The following LONRF2 variants were observed in gnomAD, a reference collection of about 807,000 sequenced individuals.
LONRF2 encodes LON peptidase N-terminal domain and RING finger protein 2.
LONRF2 carries 35 observed loss-of-function variants against 66.6 expected under a neutral mutation model. The ratio of observed to expected loss-of-function variants is 0.53; its 90% CI spans 0.40 to 0.70. The LOEUF is 0.70. Among genes scored for constraint, LONRF2 ranks in the 30% least tolerant of loss-of-function variants. The pLI is 0.00. For synonymous variants in LONRF2, 417 were observed against 418.1 expected (o/e 1.00, Z 0.03); for missense variants, 902 against 1,002.1 (o/e 0.90, Z 1.35).
chr2:100,290,259 T>C lies in LONRF2; in HGVS notation c.1919A>G (p.Lys640Arg). Residue 640 changes from lysine to arginine, a missense_variant and splice_region_variant, in exon 10 of 12, where the codon AAG becomes AGG. By Grantham distance (26) the Lys-to-Arg change is conservative. Transcript: ENST00000393437. ...ATACACCAGTATGATAAGCCTTACC[T>C]TTTCATCTTCAAGATATTCAATGTC... ...TADIEYLEDE[K>R]VEGPEYEELA... is the part of the protein sequence containing the mutation. The C allele has an allele frequency of 6.2e-7, 1 of 1,612,254 alleles. No individual in the cohort carries two copies. The highest frequency in any genetic ancestry group is 8.5e-7 in the Non-Finnish European group (1 of 1,179,268).
rs13008568 is a variant in LONRF2 at position 100,279,780 on chromosome 2, A to G, written c.*4518T>C. 0.62 allele frequency: 94,958 copies of G among 151,966 alleles called. 30,216 individuals are homozygous for G. The highest frequency in any genetic ancestry group is 0.94 in the East Asian group (4,828 of 5,132). The allele number at this position is 151,966 out of a possible 1,614,324, so 9.4% of individuals were successfully genotyped here. On this transcript the variant is annotated 3_prime_UTR_variant, in exon 12 of 12. Coordinates refer to ENST00000393437, the MANE Select transcript of LONRF2 (RefSeq NM_198461.4). ...GCTAGGTGCCAGATGGCTAGAGACC[A>G]CCTGTATAGCCTAGAGTCTGAGCTG...
At chr2:100,297,330 G>C (rs1167052330) in intron 7 of LONRF2, among the ~76,000 whole-genome samples, 1 of 151,938 alleles carries the variant, frequency 6.6e-6, no homozygotes, top group Non-Finnish European at 1.5e-5. Flanking sequence ...GTAGAGACGG[G>C]GTTTCACCGT....
rs1675633359 is a variant in LONRF2 at position 100,321,724 on chromosome 2, C to T, written c.370G>A (p.Ala124Thr). ...GGGGCCGGCCCTCCCTCGCCGGGCGCCTCGGGCTCGCCGCCCGGGTTCTCC... is the reference window on the plus strand; with the variant it reads ...GGGGCCGGCCCTCCCTCGCCGGGCGTCTCGGGCTCGCCGCCCGGGTTCTCC... ...SAENPGGEPE[A>T]PGEGGPAPEP... Residue 124 changes from alanine to threonine, a missense_variant, in exon 1 of 12, where the codon GCG (alanine) becomes ACG (threonine). Ala to Thr is a moderately conservative substitution (Grantham distance 58). Coordinates refer to ENST00000393437, the MANE Select transcript of LONRF2 (RefSeq NM_198461.4). The T allele has an allele frequency of 5.3e-6, 6 of 1,142,292 alleles. No homozygotes were observed. Among genetic ancestry groups the T allele is most frequent in the East Asian group, 4.5e-5 (1 of 22,386 alleles). The allele number at this position is 1,142,292 out of a possible 1,614,324, so 70.8% of individuals were successfully genotyped here. A position where few individuals can be genotyped will look rare whatever the true frequency, so the allele number is the denominator to read the frequency against.
chr2:100,315,387 A>G (rs1675486612), intron 1 of LONRF2, among the ~76,000 whole-genome samples: 2 of 152,206 alleles, frequency 1.3e-5, no homozygotes, highest in Admixed American at 6.5e-5. Context: ...GTCATCTACA[A>G]ATAATGACAG....
chr2:100,310,698 G>A (rs1341222385), intron 1 of LONRF2, among the ~76,000 whole-genome samples: 1 of 152,232 alleles, frequency 6.6e-6, no homozygotes, highest in African/African-American at 2.4e-5. Flanking sequence ...TGCTGGGTAT[G>A]GATAACTGGC....
intron 10 of LONRF2, among the ~76,000 whole-genome samples, chr2:100,289,217 C>T (rs1452128945): frequency 6.6e-6 from 1 of 152,110 alleles, no homozygotes; most frequent in Non-Finnish European, 1.5e-5. Context: ...CAGTCATGCT[C>T]ATGCCTTTAC....
intron 9 of LONRF2, among the ~76,000 whole-genome samples, chr2:100,291,830 CTGACTG>C (rs796676593): frequency 2.7e-4 from 41 of 152,284 alleles, no homozygotes; most frequent in African/African-American, 9.9e-4. Context: ...TACCCACACT[CTGACTG>C]TAACTATCAC....
At position 100,294,253 on chromosome 2, in the gene LONRF2, A is replaced by G. The variant is rs1675019370; in HGVS notation, c.1733T>C (p.Met578Thr). ...CCCCGCGTGCTCAGCAGATAAACAC[A>G]TGCCAAACCGCTTGGTGCCAGTTTC... ...CMETGTKRFG[M>T]CLSAEHAGLS... Residue 578 changes from methionine to threonine, a missense_variant, in exon 9 of 12, where the codon ATG becomes ACG. Physicochemically the swap from Met to Thr is moderately conservative, Grantham distance 81. Coordinates refer to ENST00000393437, the MANE Select transcript of LONRF2 (RefSeq NM_198461.4). 1 of 1,605,608 alleles carries G rather than the reference A, an allele frequency of 6.2e-7. No homozygotes were observed. The highest frequency in any genetic ancestry group is 8.5e-7 in the Non-Finnish European group (1 of 1,177,000).
Position 100,272,850 on chromosome 2 carries a change from C to T in LONRF2, c.*11448G>A, listed in dbSNP as rs1674526975. 6.6e-6 allele frequency among the ~76,000 whole-genome samples: 1 copy of T among 152,202 alleles called. No homozygotes were observed. The highest frequency in any genetic ancestry group is 1.5e-5 in the Non-Finnish European group (1 of 68,040). ...TTTTAAAAGTAATTATGGTTTTAAG[C>T]CAAAGCCATTGGCAGCCCTCTTTCC... On this transcript the variant is annotated 3_prime_UTR_variant, in exon 12 of 12. Coordinates refer to ENST00000393437, the MANE Select transcript of LONRF2 (RefSeq NM_198461.4).
rs1674579925 is a variant in LONRF2, at chr2:100,275,420, C to T, written c.*8878G>A. 6.6e-6 allele frequency: 1 copy of T among 152,238 alleles called. No homozygotes were observed. Among genetic ancestry groups the T allele is most frequent in the African/African-American group, 2.4e-5 (1 of 41,442 alleles). The allele number at this position is 152,238 out of a possible 1,614,324, so 9.4% of individuals were successfully genotyped here. A position where few individuals can be genotyped will look rare whatever the true frequency, so the allele number is the denominator to read the frequency against. On this transcript the variant is annotated 3_prime_UTR_variant, in exon 12 of 12. Transcript: ENST00000393437. ...GTGGGCTGCTCACCTGAGGGGCCCT[C>T]CCCCAGCATCCAGTGAGGAATTAAT...
chr2:100,276,585 G>A lies in LONRF2; in HGVS notation c.*7713C>T, dbSNP rs1032152768. ...ATTAAAACTTACTAATTAATAAAGG[G>A]GTGATTATACCCTTGTTTCTCCATT... On this transcript the variant is annotated 3_prime_UTR_variant, in exon 12 of 12. Coordinates refer to ENST00000393437, the MANE Select transcript of LONRF2 (RefSeq NM_198461.4). 6.6e-6 allele frequency: 1 copy of A among 151,968 alleles called. No individual in the cohort carries two copies. Among genetic ancestry groups the A allele is most frequent in the Non-Finnish European group, 1.5e-5 (1 of 67,992 alleles). 9.4% of individuals were successfully genotyped at this position (151,968 alleles called of 1,614,324 possible).
intron 10 of LONRF2, 76 bp downstream of exon 10, chr2:100,290,182 G>A (rs964783452): frequency 1.4e-6 from 2 of 1,395,726 alleles, no homozygotes; most frequent in Non-Finnish European, 2.0e-6. Flanking sequence ...GTACAAGTTT[G>A]ACAAAGCTTT....
rs1359234853 is a variant in LONRF2, at chr2:100,274,187, T to C, written c.*10111A>G. The C allele has an allele frequency of 6.6e-6, 1 of 152,110 alleles. No individual in the cohort carries two copies. Among genetic ancestry groups the C allele is most frequent in the African/African-American group, 2.4e-5 (1 of 41,416 alleles). 9.4% of individuals were successfully genotyped at this position (152,110 alleles called of 1,614,324 possible). ...TAAACTTCCTCAGGGTTCTCTATTA[T>C]GATCAGGGCCAATCCTTCACCTCGA... is the stretch of plus-strand genomic sequence containing the variant. On this transcript the variant is annotated 3_prime_UTR_variant, in exon 12 of 12. Coordinates refer to ENST00000393437, the MANE Select transcript of LONRF2 (RefSeq NM_198461.4).
intron 2 of LONRF2, among the ~76,000 whole-genome samples, chr2:100,305,498 C>T (rs1675273442): frequency 6.6e-6 from 1 of 152,208 alleles, no homozygotes; most frequent in African/African-American, 2.4e-5. Context: ...TCCTGTCTTA[C>T]TGCACTTCTC....
chr2:100,297,012 A>G (rs746733369), intron 7 of LONRF2, among the ~76,000 whole-genome samples: 21 of 152,200 alleles, frequency 1.4e-4, no homozygotes, highest in Non-Finnish European at 2.8e-4. Context: ...GTTTGCATGT[A>G]ATCATTCATT....
In LONRF2 at chr2:100,283,472, G is replaced by C. The variant is rs1302642045; in HGVS notation, c.*826C>G. The C allele has an allele frequency of 1.3e-5, 2 of 152,040 alleles. No individual in the cohort carries two copies. The allele number at this position is 152,040 out of a possible 1,614,324, so 9.4% of individuals were successfully genotyped here. On this transcript the variant is annotated 3_prime_UTR_variant, in exon 12 of 12. Transcript: ENST00000393437. ...GTTTCCTAAATGCTTAGTAACCACT[G>C]ATCAATGAGACAAGGTTCTACTTTC... is the stretch of plus-strand genomic sequence containing the variant.
Position 100,321,966 on chromosome 2 carries a change from G to A in LONRF2, c.128C>T (p.Ala43Val). The A allele has an allele frequency of 6.8e-7, 1 of 1,468,576 alleles. No individual in the cohort carries two copies. The highest frequency in any genetic ancestry group is 2.9e-5 in the East Asian group (1 of 34,840). The allele number at this position is 1,468,576 out of a possible 1,614,324, so 91.0% of individuals were successfully genotyped here. A position where few individuals can be genotyped will look rare whatever the true frequency, so the allele number is the denominator to read the frequency against. The part of the protein sequence containing the change: ...AFRAGDYEMA[A>V]ELFRSMLAGL... Reference sequence around the variant, plus strand: ...GGCTAGCATGGAGCGAAAGAGCTCGGCTGCCATCTCGTAGTCGCCCGCGCG... The same window carrying A: ...GGCTAGCATGGAGCGAAAGAGCTCGACTGCCATCTCGTAGTCGCCCGCGCG... The change falls in exon 1 of 12, where the codon GCC becomes GTC. Residue 43 changes from alanine (A) to valine (V), a missense_variant. Ala to Val is a moderately conservative substitution (Grantham distance 64, BLOSUM62 0). Coordinates refer to ENST00000393437, the MANE Select transcript of LONRF2 (RefSeq NM_198461.4).
At chr2:100,286,862 G>A in intron 11 of LONRF2, 52 bp downstream of exon 11, 1 of 1,577,502 alleles carries the variant, frequency 6.3e-7, no homozygotes, top group Non-Finnish European at 8.6e-7. Flanking sequence ...TGATGGCTCA[G>A]CACACTACAG....
intron 10 of LONRF2, among the ~76,000 whole-genome samples, chr2:100,288,967 A>G (rs956943272): frequency 4.6e-5 from 7 of 152,254 alleles, no homozygotes; most frequent in African/African-American, 1.7e-4. Flanking sequence ...GAATCTCTCA[A>G]AACATTTTGC....
Sources: allele counts gnomAD v4.1 joint callset (sites outside exome capture counted in the v4.1 genomes callset), GRCh38; gene constraint gnomAD v4.1.1; transcripts MANE v1.5; gene names NCBI Gene and HGNC (gene_info 2026-07-23, HGNC 2026-07-21).